Variants in WDR17 observed in about 807,000 individuals in gnomAD.
The protein encoded by WDR17 is WD repeat-containing protein 17.
Under a neutral mutation model 161.7 loss-of-function variants are expected in WDR17, and 143 were observed. The observed-to-expected ratio is 0.88, with a 90% CI of 0.77 to 1.02. WDR17 has a LOEUF of 1.02. Among genes scored for constraint, WDR17 ranks in the 50% least tolerant of loss-of-function variants. WDR17 has a pLI of 0.00. For missense variants in WDR17, 1,469 were observed against 1,520.9 expected, an observed-to-expected ratio of 0.97 and a Z score of 0.57; for synonymous variants, 517 against 515.6, an observed-to-expected ratio of 1.00 and a Z score of -0.04.
intron 12 of WDR17, among the ~76,000 whole-genome samples, chr4:176,146,362 T>C (rs556799748): frequency 3.9e-5 from 6 of 152,260 alleles, no homozygotes; most frequent in African/African-American, 1.4e-4. Flanking sequence ...GCCTCCCGAG[T>C]AGCTGGGAAC....
intron 13 of WDR17, 51 bp downstream of exon 13, chr4:176,148,386 A>T (rs373774377): frequency 2.0e-6 from 3 of 1,506,658 alleles, no homozygotes; most frequent in South Asian, 2.3e-5. Flanking sequence ...CATACTAATG[A>T]TGCTTATAAC....
chr4:176,130,485 C>T (rs546583260), intron 6 of WDR17, among the ~76,000 whole-genome samples: 1 of 152,228 alleles, frequency 6.6e-6, no homozygotes, highest in East Asian at 1.9e-4. Flanking sequence ...TGGCTCATGC[C>T]TGTAATCCCA....
intron 1 of WDR17, among the ~76,000 whole-genome samples, chr4:176,091,948 C>T (rs182277246): frequency 3.4e-4 from 52 of 152,120 alleles, no homozygotes; most frequent in Admixed American, 1.8e-3. Context: ...GATATCAAAA[C>T]GATAATAAAA....
intron 1 of WDR17, among the ~76,000 whole-genome samples, chr4:176,110,246 A>G (rs1176997001): frequency 3.3e-5 from 5 of 151,942 alleles, no homozygotes; most frequent in Admixed American, 6.6e-5. Flanking sequence ...GGTTCACTCC[A>G]TTCTCCTGCC....
At chr4:176,133,358 T>C (rs1203373867) in intron 7 of WDR17, among the ~76,000 whole-genome samples, 5 of 88,646 alleles carry the variant, frequency 5.6e-5, no homozygotes, top group African/African-American at 2.2e-4. Context: ...TAAATAAAAA[T>C]CTGGGTCTTT....
In WDR17 at chr4:176,156,694, AT is replaced by A. The variant is rs199776151; in HGVS notation, c.2525+553del. On this transcript the variant is annotated intron_variant, in intron 18 of 28. Coordinates refer to ENST00000508596, the MANE Select transcript of WDR17 (RefSeq NM_181265.4). ...GGTTGCCGTAAAAAAAAAAAAAAAAATTACCATAAAATGGGTGGCCTAAAAC... is the reference window on the plus strand; with the variant it reads ...GGTTGCCGTAAAAAAAAAAAAAAAAATACCATAAAATGGGTGGCCTAAAAC... Among the ~76,000 whole-genome samples the A allele has an allele frequency of 3.3e-5, 5 of 149,980 alleles. 1 individual carries two copies. In the East Asian group the frequency reaches 9.8e-4, roughly 29 times the overall value.
rs145617533 is a variant in WDR17 at position 176,072,709 on chromosome 4, T to C, written c.-7+6630T>C. On this transcript the variant is annotated intron_variant, in intron 1 of 28. Transcript: ENST00000508596. ...TATATGAGAAGACATATTTTTTGCA[T>C]AGCTCCGAGCACATAGTATATTTAC... is the stretch of plus-strand genomic sequence containing the variant. Among the ~76,000 whole-genome samples, 1,138 of 152,326 alleles carry C rather than the reference T, an allele frequency of 7.5e-3. 11 individuals are homozygous for C. The highest frequency in any genetic ancestry group is 0.025 in the African/African-American group (1,050 of 41,578).
At chr4:176,091,077 G>C (rs1315344954) in intron 1 of WDR17, among the ~76,000 whole-genome samples, 1 of 152,192 alleles carries the variant, frequency 6.6e-6, no homozygotes, top group African/African-American at 2.4e-5. Context: ...ATGTCACGGT[G>C]CTGCAGAGAT....
chr4:176,173,328 C>T lies in WDR17; in HGVS notation c.3306C>T (p.Ser1102=). Residue 1102 remains serine, a synonymous_variant, in exon 25 of 29, where the codon AGC becomes AGT. Coordinates refer to ENST00000508596, the MANE Select transcript of WDR17 (RefSeq NM_181265.4). The part of the protein sequence containing the change: ...DTIYPVLDLL[S]YIRTEKLLLH... ...TATACCCTGTTCTTGACCTACTGAG[C>T]TATATTCGTACTGAAAAATTACTCT... The T allele has an allele frequency of 6.2e-7, 1 of 1,613,168 alleles. No homozygotes were observed. The highest frequency in any genetic ancestry group is 8.5e-7 in the Non-Finnish European group (1 of 1,179,686).
At chr4:176,106,773 G>T (rs578077787) in intron 1 of WDR17, among the ~76,000 whole-genome samples, 1 of 152,210 alleles carries the variant, frequency 6.6e-6, no homozygotes, top group South Asian at 2.1e-4. Context: ...GTGCAGCGTG[G>T]TGAGACTCTG....
chr4:176,156,847 G>A (rs890320870), intron 18 of WDR17, among the ~76,000 whole-genome samples: 7 of 152,056 alleles, frequency 4.6e-5, no homozygotes, highest in African/African-American at 9.7e-5. Flanking sequence ...GTCTGGTTGC[G>A]TGCAGTCCTT....
At chr4:176,078,774 T>C (rs1734379022) in intron 1 of WDR17, among the ~76,000 whole-genome samples, 1 of 152,132 alleles carries the variant, frequency 6.6e-6, no homozygotes, top group African/African-American at 2.4e-5. Context: ...AAAACATAGT[T>C]ATATGTATTT....
Position 176,131,663 on chromosome 4 carries a change from A to T in WDR17, c.1023A>T (p.Ala341=). 6.2e-7 allele frequency: 1 copy of T among 1,613,742 alleles called. No homozygotes were observed. The highest frequency in any genetic ancestry group is 8.5e-7 in the Non-Finnish European group (1 of 1,179,826). Residue 341 remains alanine (A), a synonymous_variant, in exon 7 of 29, where the codon GCA becomes GCT. Transcript: ENST00000508596. ...CATTTTCTCTTCCTCCTGGTCATGC[A>T]GTGTGTTGTTTCTTGGATGGTGGAG... ...NQAFSLPPGH[A]VCCFLDGGVG... is the part of the protein sequence containing the mutation.
intron 1 of WDR17, among the ~76,000 whole-genome samples, chr4:176,104,345 G>A (rs531609534): frequency 4.4e-4 from 67 of 152,070 alleles, no homozygotes; most frequent in Middle Eastern, 3.4e-3. Context: ...CTTGATAAAG[G>A]TAAATACATG....
At chr4:176,150,680 A>G in intron 16 of WDR17, 87 bp downstream of exon 16, 1 of 1,323,460 alleles carries the variant, frequency 7.6e-7, no homozygotes, top group Non-Finnish European at 1.0e-6. Flanking sequence ...AAAAATATAT[A>G]TGATTAGATC....
chr4:176,109,762 C>T (rs551395284), intron 1 of WDR17, among the ~76,000 whole-genome samples: 2 of 152,138 alleles, frequency 1.3e-5, no homozygotes, highest in Non-Finnish European at 2.9e-5. Flanking sequence ...AGGGTGTACA[C>T]TGAACAAGCT....
At chr4:176,091,686 G>A (rs1736140416) in intron 1 of WDR17, among the ~76,000 whole-genome samples, 5 of 152,008 alleles carry the variant, frequency 3.3e-5, no homozygotes, top group African/African-American at 9.7e-5. Flanking sequence ...GATCAATGAA[G>A]TGAAAAGTTG....
In WDR17 at chr4:176,125,115, C is replaced by G; in HGVS notation, c.550C>G (p.Gln184Glu). The G allele has an allele frequency of 6.2e-7, 1 of 1,613,786 alleles. No individual in the cohort carries two copies. The highest frequency in any genetic ancestry group is 8.5e-7 in the Non-Finnish European group (1 of 1,179,888). ...CTGTATTTTAACAGGTAATAAAAAT[C>G]AGAAACATGTTTTGAGACCAGAATC... ...LSIFHPGNKN[Q>E]KHVLRPESLE... is the part of the protein sequence containing the mutation. Residue 184 changes from glutamine to glutamate, a missense_variant, in exon 5 of 29, where the codon CAG becomes GAG. Physicochemically the swap from Gln to Glu is conservative, Grantham distance 29. Coordinates refer to ENST00000508596, the MANE Select transcript of WDR17 (RefSeq NM_181265.4).
chr4:176,124,593 TA>T (rs565757237), intron 4 of WDR17, among the ~76,000 whole-genome samples: 1 of 152,054 alleles, frequency 6.6e-6, no homozygotes, highest in East Asian at 1.9e-4. Context: ...TCTCCATTAT[TA>T]AAAAAAGAAA....
Sources: gnomAD v4.1 joint callset for allele counts (sites outside exome capture counted in the v4.1 genomes callset) on GRCh38, gnomAD v4.1.1 for gene constraint, MANE v1.5 for transcripts, NCBI Gene and HGNC (gene_info 2026-07-23, HGNC 2026-07-21) for gene names.